ENPP4: variants seen among roughly 807,000 people sequenced by gnomAD.
The protein encoded by ENPP4 is bis(5'-adenosyl)-triphosphatase ENPP4.
In ENPP4, 18 loss-of-function variants were observed where a neutral mutation model predicts 33.4. That is an observed-to-expected ratio of 0.54 (90% confidence interval 0.37 to 0.80). The LOEUF (loss-of-function observed/expected upper bound fraction) is 0.80, where lower values mean the gene tolerates loss of function less well. ENPP4 is among the 30% of genes least tolerant of loss of function. ENPP4 has a pLI of 0.00. For synonymous variants in ENPP4, 172 were observed against 189.9 expected (o/e 0.91, Z 0.78); for missense variants, 480 against 541.7 (o/e 0.89, Z 1.13).
intron 1 of ENPP4, among the ~76,000 whole-genome samples, chr6:46,131,240 T>C (rs1295252779): frequency 6.6e-6 from 1 of 152,182 alleles, no homozygotes; most frequent in African/African-American, 2.4e-5. Context: ...ATATGTGCCA[T>C]GCTGGTGCGC....
Position 46,139,793 on chromosome 6 carries a change from A to T in ENPP4, c.210A>T (p.Thr70=). The change falls in exon 2 of 4, where the codon ACA becomes ACT. Residue 70 remains threonine, a synonymous_variant. Coordinates refer to ENST00000321037, the MANE Select transcript of ENPP4 (RefSeq NM_014936.5). ...EHVKNVFITK[T]FPNHYSIVTG... is the part of the protein sequence containing the mutation. ...TTAAAAATGTTTTTATCACAAAAACATTTCCAAACCACTACAGTATTGTGA... is the reference window on the plus strand; with the variant it reads ...TTAAAAATGTTTTTATCACAAAAACTTTTCCAAACCACTACAGTATTGTGA... 1 of 1,612,316 alleles carries T rather than the reference A, an allele frequency of 6.2e-7. No individual in the cohort carries two copies. The highest frequency in any genetic ancestry group is 8.5e-7 in the Non-Finnish European group (1 of 1,178,874).
intron 3 of ENPP4, among the ~76,000 whole-genome samples, chr6:46,141,988 G>A (rs2127492970): frequency 1.3e-5 from 2 of 151,624 alleles, no homozygotes; most frequent in Middle Eastern, 6.8e-3. Context: ...AGAAATTGAA[G>A]TGGTGTGCTT....
chr6:46,142,668 G>A (rs9472698), intron 3 of ENPP4, among the ~76,000 whole-genome samples: 67,445 of 150,652 alleles, frequency 0.45, 16,338 homozygotes, highest in Middle Eastern at 0.68. Flanking sequence ...TAAATACAAC[G>A]GGTGTACGTT....
Position 46,139,580 on chromosome 6 carries a change from C to A in ENPP4, c.-4C>A. ...CCTGATTGCTGTCCTTCAACGTGTT[C>A]ATTATGAAGTTATTAGTAATACTTT... is the stretch of plus-strand genomic sequence containing the variant. On this transcript the variant is annotated 5_prime_UTR_variant, in exon 2 of 4. Coordinates refer to ENST00000321037, the MANE Select transcript of ENPP4 (RefSeq NM_014936.5). 5 of 1,423,014 alleles carry A rather than the reference C, an allele frequency of 3.5e-6. No individual in the cohort carries two copies. Among genetic ancestry groups the A allele is most frequent in the South Asian group, 2.3e-5 (2 of 86,172 alleles). 88.1% of individuals were successfully genotyped at this position (1,423,014 alleles called of 1,614,324 possible).
intron 1 of ENPP4, among the ~76,000 whole-genome samples, chr6:46,137,329 A>G (rs184673493): frequency 1.4e-4 from 22 of 151,978 alleles, no homozygotes; most frequent in Admixed American, 1.2e-3. Context: ...GCTGATTTAA[A>G]AGTCTACTCT....
chr6:46,140,984 CTA>C, intron 2 of ENPP4, 66 bp from the exon 3 acceptor site: 1 of 948,380 alleles, frequency 1.1e-6, no homozygotes, highest in Non-Finnish European at 1.6e-6. Context: ...TCCAATTATT[CTA>C]GTTAGACATA....
chr6:46,136,809 T>C (rs1763984541), intron 1 of ENPP4, among the ~76,000 whole-genome samples: 1 of 151,830 alleles, frequency 6.6e-6, no homozygotes, highest in Non-Finnish European at 1.5e-5. Flanking sequence ...ACAAGAGGTA[T>C]TGAGGACTAA....
At chr6:46,142,392 A>ATATAATGTATATTATATATTATATATT (rs1491360397) in intron 3 of ENPP4, among the ~76,000 whole-genome samples, 2 of 83,638 alleles carry the variant, frequency 2.4e-5, no homozygotes, top group African/African-American at 1.1e-4. Flanking sequence ...TATTATATAT[A>ATATAATGTATATTATATATTATATATT]ATATATAATT....
chr6:46,139,894 A>T lies in ENPP4; in HGVS notation c.311A>T (p.Asp104Val), dbSNP rs1764030784. 1.2e-6 allele frequency: 2 copies of T among 1,612,534 alleles called. No individual in the cohort carries two copies. The highest frequency in any genetic ancestry group is 1.1e-5 in the South Asian group (1 of 91,058). Residue 104 changes from aspartate (D) to valine (V), a missense_variant, in exon 2 of 4, where the codon GAC (aspartate) becomes GTC (valine). This residue lies in a region of ENPP4 where 227 missense variants were observed against 273.7 expected (regional missense o/e 0.83). Transcript: ENST00000321037. ...YDAVTKKHFS[D>V]SNDKDPFWWN... ...GCAGTCACAAAGAAACACTTTTCTG[A>T]CTCTAATGACAAGGATCCTTTTTGG...
intron 1 of ENPP4, among the ~76,000 whole-genome samples, chr6:46,133,370 TTA>T (rs1413201218): frequency 5.3e-5 from 8 of 152,194 alleles, no homozygotes; most frequent in African/African-American, 1.9e-4. Flanking sequence ...ACTGCCTTAT[TTA>T]TAGTCATAGA....
At chr6:46,139,455 A>G (rs1764022494) in intron 1 of ENPP4, 96 bp from the exon 2 acceptor site, 5 of 594,304 alleles carry the variant, frequency 8.4e-6, no homozygotes, top group Admixed American at 3.2e-5. Flanking sequence ...AAGCTGGCAT[A>G]TAAATGTTGG....
At chr6:46,132,621 T>C (rs1471446447) in intron 1 of ENPP4, among the ~76,000 whole-genome samples, 1 of 152,202 alleles carries the variant, frequency 6.6e-6, no homozygotes, top group Non-Finnish European at 1.5e-5. Context: ...TGGCTAAGGA[T>C]TGACTTGGCG....
intron 1 of ENPP4, among the ~76,000 whole-genome samples, chr6:46,131,567 T>C (rs1462950183): frequency 6.6e-6 from 1 of 152,214 alleles, no homozygotes; most frequent in Non-Finnish European, 1.5e-5. Flanking sequence ...TTGTTGGACA[T>C]TTGGCTTGGT....
chr6:46,139,711 A>G lies in ENPP4; in HGVS notation c.128A>G (p.Asn43Ser). ...FDGFRADYLK[N>S]YEFPHLQNFI... ...GGCTTCAGAGCTGATTATCTGAAGAACTATGAATTTCCTCATCTCCAGAAT... is the reference window on the plus strand; with the variant it reads ...GGCTTCAGAGCTGATTATCTGAAGAGCTATGAATTTCCTCATCTCCAGAAT... The change falls in exon 2 of 4, where the codon AAC (asparagine) becomes AGC (serine). Residue 43 changes from asparagine to serine, a missense_variant. By Grantham distance (46) the Asn-to-Ser change is conservative (BLOSUM62 1). Transcript: ENST00000321037. The G allele has an allele frequency of 6.2e-7, 1 of 1,611,288 alleles. No homozygotes were observed. The highest frequency in any genetic ancestry group is 8.5e-7 in the Non-Finnish European group (1 of 1,178,066).
In ENPP4 at chr6:46,130,884, C is replaced by G. The variant is rs539309019; in HGVS notation, c.-34+695C>G. ...AGGCAGATTCAGGTTTACACCAGAT[C>G]TGACTCCAGAAGGGCTTTGCTTAAT... On this transcript the variant is annotated intron_variant, in intron 1 of 3. Coordinates refer to ENST00000321037, the MANE Select transcript of ENPP4 (RefSeq NM_014936.5). Among the ~76,000 whole-genome samples the G allele has an allele frequency of 2.0e-5, 3 of 152,326 alleles. No homozygotes were observed. In the South Asian group the frequency reaches 6.2e-4, roughly 32 times the overall value.
intron 1 of ENPP4, among the ~76,000 whole-genome samples, chr6:46,136,209 C>G (rs1425967047): frequency 6.6e-6 from 1 of 151,704 alleles, no homozygotes; most frequent in Admixed American, 6.6e-5. Flanking sequence ...CAGTTGGCAG[C>G]CTGATTTATT....
chr6:46,144,789 T>G lies in ENPP4; in HGVS notation c.*1149T>G. 2.6e-6 allele frequency: 1 copy of G among 388,350 alleles called. No individual in the cohort carries two copies. Among genetic ancestry groups the G allele is most frequent in the Non-Finnish European group, 4.6e-6 (1 of 219,340 alleles). The allele number at this position is 388,350 out of a possible 1,614,324, so 24.1% of individuals were successfully genotyped here. A position where few individuals can be genotyped will look rare whatever the true frequency, so the allele number is the denominator to read the frequency against. ...ATAGTTAAGAAATTTTAAACAAAAT[T>G]TAGTATCTTTTGGTCTTTCACACCA... On this transcript the variant is annotated 3_prime_UTR_variant, in exon 4 of 4. Transcript: ENST00000321037.
At chr6:46,131,612 G>A (rs551782170) in intron 1 of ENPP4, among the ~76,000 whole-genome samples, 202 of 152,216 alleles carry the variant, frequency 1.3e-3, no homozygotes, top group Middle Eastern at 3.4e-3. Context: ...ATGCTGCAAT[G>A]AACATATGTG....
intron 1 of ENPP4, among the ~76,000 whole-genome samples, chr6:46,132,602 T>A (rs575428011): frequency 7.9e-5 from 12 of 152,338 alleles, no homozygotes; most frequent in African/African-American, 2.9e-4. Flanking sequence ...GCCTCCAGCT[T>A]TGTTCTTTTG....
Sources: gnomAD v4.1 joint callset for allele counts (sites outside exome capture counted in the v4.1 genomes callset) on GRCh38, gnomAD v4.1.1 for gene constraint, gnomAD v4.1.1 regional missense constraint, MANE v1.5 for transcripts, NCBI Gene and HGNC (gene_info 2026-07-23, HGNC 2026-07-21) for gene names.